The following EFHD1 variants were observed in gnomAD, a reference collection of about 807,000 sequenced individuals.
EFHD1 encodes the protein EF-hand domain-containing protein D1.
A neutral mutation model predicts 17.2 loss-of-function variants in EFHD1; 10 were observed. The observed-to-expected ratio is 0.58, with a 90% CI of 0.36 to 0.99. The LOEUF (loss-of-function observed/expected upper bound fraction) is 0.99. EFHD1 is among the 50% of genes least tolerant of loss of function. The pLI, the probability that EFHD1 is intolerant of heterozygous loss-of-function variation, is 0.01. For missense variants in EFHD1, 310 were observed against 327.5 expected, an observed-to-expected ratio of 0.95 and a Z score of 0.41; for synonymous variants, 153 against 142.0, an observed-to-expected ratio of 1.08 and a Z score of -0.55.
intron 1 of EFHD1, among the ~76,000 whole-genome samples, chr2:232,644,294 A>G (rs1694485587): frequency 6.6e-6 from 1 of 151,794 alleles, no homozygotes; most frequent in Non-Finnish European, 1.5e-5. Flanking sequence ...TCTTTTTCTC[A>G]TCGGGGGTGC....
intron 1 of EFHD1, among the ~76,000 whole-genome samples, chr2:232,661,286 C>T (rs1176720750): frequency 6.6e-6 from 1 of 152,126 alleles, no homozygotes. Context: ...CAAGTTGAAT[C>T]TCTATCCATT....
At chr2:232,632,269 A>T (rs190286447), upstream of EFHD1, among the ~76,000 whole-genome samples, 151 of 152,352 alleles carry the variant, frequency 9.9e-4, no homozygotes, top group Admixed American at 2.0e-3. Context: ...ACTTTTCTTT[A>T]AAAAACGTAT....
intron 3 of EFHD1, among the ~76,000 whole-genome samples, chr2:232,678,507 G>A (rs560831468): frequency 1.4e-4 from 22 of 152,144 alleles, no homozygotes; most frequent in African/African-American, 1.9e-4. Flanking sequence ...AATATTGGCC[G>A]GGCGCGGTGG....
chr2:232,640,157 C>A (rs1174206357), intron 1 of EFHD1, among the ~76,000 whole-genome samples: 1 of 152,204 alleles, frequency 6.6e-6, no homozygotes, highest in Admixed American at 6.5e-5. Context: ...AAGATGAAAC[C>A]TGACCTGTGG....
At chr2:232,668,800 ATTTTGGTAT>A (rs1271852183) in intron 2 of EFHD1, among the ~76,000 whole-genome samples, 1 of 151,864 alleles carries the variant, frequency 6.6e-6, no homozygotes, top group East Asian at 1.9e-4. Context: ...TGCCCGGCTA[ATTTTGGTAT>A]TTTTAGTAGA....
At chr2:232,630,728 A>G (rs55714246), upstream of EFHD1, among the ~76,000 whole-genome samples, 524 of 151,126 alleles carry the variant, frequency 3.5e-3, 2 homozygotes, top group Non-Finnish European at 6.4e-3. Flanking sequence ...AATAGGATCA[A>G]TTGAGCCCAG....
At chr2:232,638,756 C>T (rs1028012810) in intron 1 of EFHD1, among the ~76,000 whole-genome samples, 4 of 152,178 alleles carry the variant, frequency 2.6e-5, no homozygotes, top group Admixed American at 2.0e-4. Flanking sequence ...TAAGTGCTTT[C>T]TTTTTCCTTG....
intron 1 of EFHD1, among the ~76,000 whole-genome samples, chr2:232,639,928 C>T (rs928125233): frequency 6.6e-6 from 1 of 152,172 alleles, no homozygotes; most frequent in Admixed American, 6.5e-5. Flanking sequence ...AGCCACTTTT[C>T]GGGTGAGGCT....
At chr2:232,667,638 C>A (rs370635303) in intron 2 of EFHD1, among the ~76,000 whole-genome samples, 1 of 151,964 alleles carries the variant, frequency 6.6e-6, no homozygotes, top group Non-Finnish European at 1.5e-5. Context: ...CTGCAACCTC[C>A]GCCTCCCGGG....
At chr2:232,668,162 G>A (rs557244518) in intron 2 of EFHD1, among the ~76,000 whole-genome samples, 1 of 152,294 alleles carries the variant, frequency 6.6e-6, no homozygotes, top group African/African-American at 2.4e-5. Flanking sequence ...CGGCTTTGTG[G>A]ACTATAAATA....
chr2:232,674,066 G>C (rs1472449165), intron 3 of EFHD1, among the ~76,000 whole-genome samples: 2 of 151,966 alleles, frequency 1.3e-5, no homozygotes, highest in Non-Finnish European at 2.9e-5. Context: ...CCACCACCAC[G>C]CCCAGCTAAT....
chr2:232,627,064 ATTTTTTTT>A (rs56085382), intron 1 of EFHD1, among the ~76,000 whole-genome samples: 5 of 92,236 alleles, frequency 5.4e-5, no homozygotes, highest in African/African-American at 2.1e-4. Flanking sequence ...ATATATATAT[ATTTTTTTT>A]TTTTTTTAAT....
chr2:232,662,739 T>TA, intron 1 of EFHD1, 63 bp from the exon 2 acceptor site: 1 of 1,541,664 alleles, frequency 6.5e-7, no homozygotes. Context: ...CCAAAGGAAT[T>TA]ACATGTTTCG....
chr2:232,664,358 C>A (rs1360928450), intron 2 of EFHD1, among the ~76,000 whole-genome samples: 1 of 151,096 alleles, frequency 6.6e-6, no homozygotes, highest in Non-Finnish European at 1.5e-5. Flanking sequence ...CCAGGCTGGT[C>A]TCCGACTCAG....
At chr2:232,624,635 GC>G (rs1353596785) in intron 1 of EFHD1, among the ~76,000 whole-genome samples, 1 of 152,258 alleles carries the variant, frequency 6.6e-6, no homozygotes, top group East Asian at 1.9e-4. Context: ...TGGCAGCCAA[GC>G]CGGGGAAAGT....
chr2:232,660,409 T>C (rs1474686923), intron 1 of EFHD1, among the ~76,000 whole-genome samples: 1 of 151,896 alleles, frequency 6.6e-6, no homozygotes, highest in East Asian at 2.0e-4. Context: ...TTAGCCAGGA[T>C]GGTCTCGATC....
chr2:232,639,492 C>G (rs1360107457), intron 1 of EFHD1, among the ~76,000 whole-genome samples: 1 of 151,452 alleles, frequency 6.6e-6, no homozygotes, highest in East Asian at 1.9e-4. Context: ...TGGCCAGACT[C>G]TCTCTCTCTC....
At chr2:232,624,044 G>T (rs1005832631) in intron 1 of EFHD1, among the ~76,000 whole-genome samples, 1 of 152,184 alleles carries the variant, frequency 6.6e-6, no homozygotes, top group African/African-American at 2.4e-5. Context: ...GGGGCCAGGT[G>T]GGTCATCTTC....
At chr2:232,642,992 G>A (rs949086826) in intron 1 of EFHD1, among the ~76,000 whole-genome samples, 4 of 152,172 alleles carry the variant, frequency 2.6e-5, no homozygotes, top group African/African-American at 9.7e-5. Flanking sequence ...GACAAGGGTG[G>A]CCCTGGGGCA....
Sources: gnomAD v4.1 joint callset for allele counts (sites outside exome capture counted in the v4.1 genomes callset) on GRCh38, gnomAD v4.1.1 for gene constraint, MANE v1.5 for transcripts, NCBI Gene and HGNC (gene_info 2026-07-23, HGNC 2026-07-21) for gene names.